VSNL1: variants seen among roughly 807,000 people sequenced by gnomAD.
The protein encoded by VSNL1 is visinin-like protein 1.
VSNL1 carries 6 observed loss-of-function variants against 20.4 expected under a neutral mutation model. The ratio of observed to expected loss-of-function variants is 0.29; its 90% CI spans 0.16 to 0.58. The LOEUF is 0.58. VSNL1 is among the 20% of genes least tolerant of loss of function. VSNL1 has a pLI of 0.90. For synonymous variants in VSNL1, 93 were observed against 86.4 expected, an observed-to-expected ratio of 1.08 and a Z score of -0.42; for missense variants, 100 against 234.5, an observed-to-expected ratio of 0.43 and a Z score of 3.75.
intron 2 of VSNL1, among the ~76,000 whole-genome samples, chr2:17,623,797 A>G (rs767467919): frequency 6.6e-6 from 1 of 152,216 alleles, no homozygotes; most frequent in Non-Finnish European, 1.5e-5. Context: ...AGAGTGGAAC[A>G]TAAATTCAGA....
rs552427735 is a variant in VSNL1, at chr2:17,595,482, A to G, written c.162+3246A>G. 2.0e-3 allele frequency among the ~76,000 whole-genome samples: 300 copies of G among 152,364 alleles called. 6 individuals are homozygous for G. In the South Asian group the frequency reaches 0.061, roughly 31 times the overall value. ...ATTAAAACAAGAAGTTAATTAATGC[A>G]GTGATGAGAGGAAGACTTTTCTATT... On this transcript the variant is annotated intron_variant, in intron 2 of 3. Transcript: ENST00000295156.
intron 1 of VSNL1, among the ~76,000 whole-genome samples, chr2:17,587,365 A>ACC (rs1664499986): frequency 6.6e-6 from 1 of 150,464 alleles, no homozygotes; most frequent in African/African-American, 2.5e-5. Flanking sequence ...ACACACACAC[A>ACC]CACACACACA....
intron 2 of VSNL1, among the ~76,000 whole-genome samples, chr2:17,626,026 C>T (rs934905702): frequency 4.6e-5 from 7 of 151,826 alleles, no homozygotes; most frequent in African/African-American, 1.7e-4. Flanking sequence ...GCCTTGTTGG[C>T]CAGGCTGGTC....
intron 2 of VSNL1, among the ~76,000 whole-genome samples, chr2:17,603,155 A>G (rs1447864325): frequency 6.6e-6 from 1 of 152,254 alleles, no homozygotes; most frequent in Admixed American, 6.5e-5. Flanking sequence ...AACCTAAGAA[A>G]GGGCACAAGG....
chr2:17,563,662 G>A (rs907712095), intron 1 of VSNL1, among the ~76,000 whole-genome samples: 5 of 151,992 alleles, frequency 3.3e-5, no homozygotes, highest in Admixed American at 2.6e-4. Flanking sequence ...CTCAGGAGGC[G>A]GAGGTTGCAG....
chr2:17,601,735 G>C (rs1221033255), intron 2 of VSNL1, among the ~76,000 whole-genome samples: 1 of 152,060 alleles, frequency 6.6e-6, no homozygotes, highest in South Asian at 2.1e-4. Context: ...TGGAGTTCGA[G>C]ACCAGCCTGG....
At chr2:17,564,082 A>G (rs1223815398) in intron 1 of VSNL1, among the ~76,000 whole-genome samples, 1 of 152,244 alleles carries the variant, frequency 6.6e-6, no homozygotes, top group East Asian at 1.9e-4. Flanking sequence ...GTAAAATAAA[A>G]TAAAACAGAA....
chr2:17,605,368 A>AC (rs1474917953), intron 2 of VSNL1, among the ~76,000 whole-genome samples: 1 of 152,094 alleles, frequency 6.6e-6, no homozygotes, highest in East Asian at 1.9e-4. Context: ...CAGAACCCCT[A>AC]CAAGGCTGAC....
intron 2 of VSNL1, 27 bp downstream of exon 2, chr2:17,592,263 A>T (rs758233291): frequency 1.2e-6 from 2 of 1,611,316 alleles, no homozygotes; most frequent in East Asian, 4.5e-5. Context: ...CCTTGTTTTT[A>T]TTCCTTAGGC....
intron 2 of VSNL1, among the ~76,000 whole-genome samples, chr2:17,638,578 C>T (rs2103419453): frequency 6.6e-6 from 1 of 152,304 alleles, no homozygotes; most frequent in Middle Eastern, 3.4e-3. Flanking sequence ...GCTCCTCCTT[C>T]CCACGCCCTA....
intron 1 of VSNL1, among the ~76,000 whole-genome samples, chr2:17,555,007 T>C (rs942757598): frequency 6.7e-6 from 1 of 148,872 alleles, no homozygotes; most frequent in African/African-American, 2.4e-5. Context: ...TCTTATTGTT[T>C]TACATTTTAA....
At chr2:17,563,661 C>T (rs767093980) in intron 1 of VSNL1, among the ~76,000 whole-genome samples, 5 of 151,876 alleles carry the variant, frequency 3.3e-5, no homozygotes, top group East Asian at 3.9e-4. Flanking sequence ...ACTCAGGAGG[C>T]GGAGGTTGCA....
At chr2:17,625,247 A>G (rs1182803233) in intron 2 of VSNL1, among the ~76,000 whole-genome samples, 1 of 152,152 alleles carries the variant, frequency 6.6e-6, no homozygotes, top group African/African-American at 2.4e-5. Flanking sequence ...CTCTTTTGTA[A>G]ATTGCCCAGT....
chr2:17,579,462 G>A (rs1664298929), intron 1 of VSNL1, among the ~76,000 whole-genome samples: 2 of 152,238 alleles, frequency 1.3e-5, no homozygotes, highest in African/African-American at 4.8e-5. Flanking sequence ...TTTCTTTTCT[G>A]ACATTGCCTG....
At chr2:17,593,554 G>A (rs1664643980) in intron 2 of VSNL1, among the ~76,000 whole-genome samples, 1 of 152,136 alleles carries the variant, frequency 6.6e-6, no homozygotes, top group African/African-American at 2.4e-5. Context: ...GATGAAATTG[G>A]GGGTATGGCC....
At chr2:17,603,519 A>G (rs1434306357) in intron 2 of VSNL1, among the ~76,000 whole-genome samples, 1 of 152,226 alleles carries the variant, frequency 6.6e-6, no homozygotes, top group Admixed American at 6.5e-5. Flanking sequence ...AGACTCTATC[A>G]GGCAGGAAGA....
chr2:17,550,265 G>A (rs1663501254), intron 1 of VSNL1, among the ~76,000 whole-genome samples: 2 of 152,056 alleles, frequency 1.3e-5, no homozygotes, highest in African/African-American at 4.8e-5. Context: ...CCTACTCTAG[G>A]TCCTGGGAAA....
At chr2:17,572,454 C>G in intron 1 of VSNL1, among the ~76,000 whole-genome samples, 1 of 152,056 alleles carries the variant, frequency 6.6e-6, no homozygotes, top group South Asian at 2.1e-4. Context: ...GGTCTCTAGT[C>G]TTACACTGTG....
intron 2 of VSNL1, among the ~76,000 whole-genome samples, chr2:17,595,140 C>T (rs1664683308): frequency 6.6e-6 from 1 of 152,218 alleles, no homozygotes. Context: ...ATGCAGGCTT[C>T]ACTCTTTAGT....
Sources: allele counts gnomAD v4.1 joint callset (sites outside exome capture counted in the v4.1 genomes callset), GRCh38; gene constraint gnomAD v4.1.1; transcripts MANE v1.5; gene names NCBI Gene and HGNC (gene_info 2026-07-23, HGNC 2026-07-21).